The following KIDINS220 variants were observed in gnomAD, a reference collection of about 807,000 sequenced individuals.
The protein encoded by KIDINS220 is kinase D-interacting substrate of 220 kDa.
In KIDINS220, 63 loss-of-function variants were observed where a neutral mutation model predicts 157.6. The observed-to-expected ratio is 0.40, with a 90% CI of 0.33 to 0.49. KIDINS220 has a LOEUF of 0.49. Among genes scored for constraint, KIDINS220 ranks in the 20% least tolerant of loss-of-function variants. The pLI is 0.66. For synonymous variants in KIDINS220, 732 were observed against 783.6 expected (o/e 0.93, Z 1.10); for missense variants, 1,772 against 2,171.2 (o/e 0.82, Z 3.65).
chr2:8,816,818 TATAAAA>T (rs1462733525), intron 4 of KIDINS220, among the ~76,000 whole-genome samples: 6 of 152,338 alleles, frequency 3.9e-5, no homozygotes, highest in African/African-American at 1.4e-4. Context: ...TGTATCTTCC[TATAAAA>T]ATAAAGATAC....
intron 22 of KIDINS220, among the ~76,000 whole-genome samples, chr2:8,753,902 G>A (rs958019367): frequency 7.2e-5 from 11 of 152,134 alleles, no homozygotes; most frequent in African/African-American, 2.4e-4. Flanking sequence ...CAGAAAGTCC[G>A]TTTTACAGAC....
chr2:8,750,711 T>C (rs532826103), intron 23 of KIDINS220, among the ~76,000 whole-genome samples: 2 of 152,346 alleles, frequency 1.3e-5, no homozygotes, highest in Admixed American at 1.3e-4. Flanking sequence ...ACATATAATG[T>C]TAGCAAAGAC....
chr2:8,775,907 C>T (rs1309341229), intron 21 of KIDINS220, among the ~76,000 whole-genome samples: 3 of 152,174 alleles, frequency 2.0e-5, no homozygotes, highest in Admixed American at 6.6e-5. Flanking sequence ...AGGGCAGAGA[C>T]TTTATCTTGT....
At chr2:8,802,606 G>C (rs1230866851) in intron 8 of KIDINS220, among the ~76,000 whole-genome samples, 3 of 152,190 alleles carry the variant, frequency 2.0e-5, no homozygotes, top group African/African-American at 7.2e-5. Context: ...CATTCAAGTG[G>C]AGCGTTCAGG....
chr2:8,773,450 T>C (rs1670503217), intron 21 of KIDINS220, among the ~76,000 whole-genome samples: 1 of 151,846 alleles, frequency 6.6e-6, no homozygotes, highest in African/African-American at 2.4e-5. Context: ...AGCCTCAAAG[T>C]GAACTACCCA....
chr2:8,774,899 T>C (rs1479586059), intron 21 of KIDINS220, among the ~76,000 whole-genome samples: 3 of 152,072 alleles, frequency 2.0e-5, no homozygotes, highest in East Asian at 3.9e-4. Context: ...GTATGGAGAA[T>C]AGGCTGTAGA....
At position 8,803,753 on chromosome 2, in the gene KIDINS220, T is replaced by C. The variant is rs115057088; in HGVS notation, c.604-626A>G. 4.3e-3 allele frequency among the ~76,000 whole-genome samples: 650 copies of C among 152,278 alleles called. 9 individuals are homozygous for C. The highest frequency in any genetic ancestry group is 0.015 in the African/African-American group (627 of 41,560). ...GGCCAGGTACGATGACCCACACCTATAATCCCAAAGCTTAAGGAGGCCAAG... is the reference window on the plus strand; with the variant it reads ...GGCCAGGTACGATGACCCACACCTACAATCCCAAAGCTTAAGGAGGCCAAG... On this transcript the variant is annotated intron_variant, in intron 7 of 29. Coordinates refer to ENST00000256707, the MANE Select transcript of KIDINS220 (RefSeq NM_020738.4).
intron 25 of KIDINS220, 42 bp from the exon 26 acceptor site, chr2:8,747,243 G>A (rs73912896): frequency 2.6e-6 from 4 of 1,548,558 alleles, no homozygotes. Flanking sequence ...AAAGGGGAAG[G>A]GGGGAGCCAA....
Position 8,751,617 on chromosome 2 carries a change from C to T in KIDINS220, c.3039G>A (p.Lys1013=). Residue 1013 remains lysine (K), a synonymous_variant, in exon 23 of 30, where the codon AAG becomes AAA. Coordinates refer to ENST00000256707, the MANE Select transcript of KIDINS220 (RefSeq NM_020738.4). ...CAATTTCAAGAAGTGGCTCAACATC[C>T]TTAGTTGTTGGAATATTCTTTGATA... The part of the protein sequence containing the change: ...ERISKNIPTT[K]DVEPLLEIDG... The T allele has an allele frequency of 6.2e-7, 1 of 1,603,308 alleles. No homozygotes were observed. Among genetic ancestry groups the T allele is most frequent in the Middle Eastern group, 1.7e-4 (1 of 6,040 alleles).
At chr2:8,796,664 T>G (rs966933387) in intron 11 of KIDINS220, 107 bp downstream of exon 11, 2 of 855,932 alleles carry the variant, frequency 2.3e-6, no homozygotes, top group Non-Finnish European at 4.0e-6. Flanking sequence ...CAGCAAGTCA[T>G]CTCTCCCCAC....
At chr2:8,794,537 A>G (rs1673644010) in intron 11 of KIDINS220, among the ~76,000 whole-genome samples, 1 of 152,038 alleles carries the variant, frequency 6.6e-6, no homozygotes, top group Non-Finnish European at 1.5e-5. Flanking sequence ...TGAGTCCTCT[A>G]TGTACACCTA....
downstream of KIDINS220, among the ~76,000 whole-genome samples, chr2:8,726,616 C>T (rs1305384203): frequency 6.6e-6 from 1 of 152,186 alleles, no homozygotes; most frequent in Non-Finnish European, 1.5e-5. Flanking sequence ...ACAGAGCACA[C>T]TTAAACAGAC....
chr2:8,791,227 G>A lies in KIDINS220; in HGVS notation c.1277-3C>T, dbSNP rs764061308. On this transcript the variant is annotated splice_region_variant and splice_polypyrimidine_tract_variant and intron_variant, in intron 12 of 29. Transcript: ENST00000256707. ...TGTTTCAGTAGGAGACAAGTGTCCT[G>A]TAATTAAAACACATCATATCTTACA... 3 of 1,610,584 alleles carry A rather than the reference G, an allele frequency of 1.9e-6. No individual in the cohort carries two copies. The South Asian group carries it at 3.3e-5, about 18-fold the overall frequency.
At chr2:8,755,266 A>G (rs1033363723) in intron 22 of KIDINS220, among the ~76,000 whole-genome samples, 1 of 152,186 alleles carries the variant, frequency 6.6e-6, no homozygotes, top group African/African-American at 2.4e-5. Flanking sequence ...CTCCTCAGAG[A>G]GCATCCTGGA....
chr2:8,831,118 CA>C (rs1272869191), intron 1 of KIDINS220, among the ~76,000 whole-genome samples: 1 of 152,184 alleles, frequency 6.6e-6, no homozygotes, highest in Non-Finnish European at 1.5e-5. Context: ...ACAAGTTATT[CA>C]AGGAACTTAC....
At position 8,733,550 on chromosome 2, in the gene KIDINS220, G is replaced by A; in HGVS notation, c.3947C>T (p.Thr1316Ile). The change falls in exon 29 of 30, where the codon ACC (threonine) becomes ATC (isoleucine). Residue 1316 changes from threonine to isoleucine, a missense_variant. Transcript: ENST00000256707. ...RRASHNELPH[T>I]ELSSQTPYTL... Reference sequence around the variant, plus strand: ...GTAGGGCGTCTGGCTGGAGAGCTCGGTGTGAGGCAGCTCGTTGTGGGAAGC... The same window carrying A: ...GTAGGGCGTCTGGCTGGAGAGCTCGATGTGAGGCAGCTCGTTGTGGGAAGC... 3 of 1,614,150 alleles carry A rather than the reference G, an allele frequency of 1.9e-6. No individual in the cohort carries two copies. Among genetic ancestry groups the A allele is most frequent in the South Asian group, 1.1e-5 (1 of 91,090 alleles).
In KIDINS220 at chr2:8,731,664, T is replaced by A; in HGVS notation, c.4372A>T (p.Ile1458Phe). 1 of 1,614,200 alleles carries A rather than the reference T, an allele frequency of 6.2e-7. No homozygotes were observed. Among genetic ancestry groups the A allele is most frequent in the South Asian group, 1.1e-5 (1 of 91,084 alleles). ...GAAACCCCTGATGATGAATAATCGA[T>A]AACATCTCCCCTCTTCATTAGAAAG... ...KSFLMKRGDV[I>F]DYSSSGVSTN... The change falls in exon 30 of 30, where the codon ATC becomes TTC. Residue 1458 changes from isoleucine (I) to phenylalanine (F), a missense_variant. Coordinates refer to ENST00000256707, the MANE Select transcript of KIDINS220 (RefSeq NM_020738.4). This position sits in a 1 kb window ranked among gnomAD's most constrained non-coding sequence, Gnocchi z 5.2.
Position 8,730,338 on chromosome 2 carries a change from T to C in KIDINS220, c.*382A>G, listed in dbSNP as rs775445125. 1.8e-5 allele frequency: 18 copies of C among 1,011,210 alleles called. No individual in the cohort carries two copies. The highest frequency in any genetic ancestry group is 2.0e-5 in the Non-Finnish European group (17 of 847,078). The allele number at this position is 1,011,210 out of a possible 1,614,324, so 62.6% of individuals were successfully genotyped here. ...AACGCCACGTCTTCCCTCAAATGTG[T>C]GGTCACCAAATGTTTGCAAAAAGGG... On this transcript the variant is annotated 3_prime_UTR_variant, in exon 30 of 30. Coordinates refer to ENST00000256707, the MANE Select transcript of KIDINS220 (RefSeq NM_020738.4).
chr2:8,811,285 T>A (rs1676271439), intron 6 of KIDINS220, among the ~76,000 whole-genome samples: 4 of 130,118 alleles, frequency 3.1e-5, no homozygotes, highest in African/African-American at 5.5e-5. Context: ...ATAATGGAGG[T>A]ACAAAATGGG....
Sources: allele counts gnomAD v4.1 joint callset (sites outside exome capture counted in the v4.1 genomes callset), GRCh38; gene constraint gnomAD v4.1.1; non-coding constraint Gnocchi (gnomAD v3.1); transcripts MANE v1.5; gene names NCBI Gene and HGNC (gene_info 2026-07-23, HGNC 2026-07-21).